The following ATP9B variants were observed in gnomAD, a reference collection of about 807,000 sequenced individuals.
ATP9B encodes probable phospholipid-transporting ATPase IIB.
Under a neutral mutation model 146.1 loss-of-function variants are expected in ATP9B, and 110 were observed. The ratio of observed to expected loss-of-function variants is 0.75; its 90% CI spans 0.65 to 0.88. ATP9B has a LOEUF of 0.88. Ranked by LOEUF, ATP9B falls within the 40% of genes least tolerant of loss-of-function variation. The pLI, the probability that ATP9B is intolerant of heterozygous loss-of-function variation, is 0.00. For missense variants in ATP9B, 1,499 were observed against 1,496.4 expected, an observed-to-expected ratio of 1.00 and a Z score of -0.03; for synonymous variants, 604 against 569.7, an observed-to-expected ratio of 1.06 and a Z score of -0.86.
chr18:79,249,221 G>T (rs981673496), intron 11 of ATP9B, among the ~76,000 whole-genome samples: 1 of 152,144 alleles, frequency 6.6e-6, no homozygotes, highest in African/African-American at 2.4e-5. Flanking sequence ...GAGCTAAATG[G>T]ATTTGTGATC....
chr18:79,308,614 G>A (rs1189305441), intron 15 of ATP9B, among the ~76,000 whole-genome samples: 1 of 152,206 alleles, frequency 6.6e-6, no homozygotes, highest in Non-Finnish European at 1.5e-5. Flanking sequence ...TGGAGACAGA[G>A]AGCAGAGCAG....
At chr18:79,342,196 G>T in intron 19 of ATP9B, 72 bp from the exon 20 acceptor site, 1 of 1,237,926 alleles carries the variant, frequency 8.1e-7, no homozygotes, top group South Asian at 1.2e-5. Context: ...TGGCTGTTGT[G>T]AATTATGTGA....
intron 15 of ATP9B, among the ~76,000 whole-genome samples, chr18:79,315,304 A>G (rs1318383599): frequency 6.6e-6 from 1 of 152,192 alleles, no homozygotes; most frequent in African/African-American, 2.4e-5. Context: ...TTTGTCAGAT[A>G]TATTTGTGAG....
chr18:79,274,615 G>A (rs1484238218), intron 12 of ATP9B, among the ~76,000 whole-genome samples: 1 of 152,060 alleles, frequency 6.6e-6, no homozygotes, highest in Admixed American at 6.5e-5. Context: ...TATTATACAT[G>A]CTCTGTGTGG....
intron 1 of ATP9B, among the ~76,000 whole-genome samples, chr18:79,075,393 G>A (rs2072482576): frequency 6.6e-6 from 1 of 152,168 alleles, no homozygotes; most frequent in Non-Finnish European, 1.5e-5. Context: ...CCTTCTGTCG[G>A]CCTTCCAAAG....
At chr18:79,270,886 G>A (rs1055139532) in intron 12 of ATP9B, among the ~76,000 whole-genome samples, 6 of 152,258 alleles carry the variant, frequency 3.9e-5, no homozygotes, top group African/African-American at 7.2e-5. Context: ...CATGAAAGTC[G>A]GAAGAGTCCT....
intron 11 of ATP9B, among the ~76,000 whole-genome samples, chr18:79,252,694 G>A (rs542958632): frequency 5.1e-4 from 77 of 152,110 alleles, no homozygotes; most frequent in Non-Finnish European, 9.3e-4. Context: ...GCTGGTAAAC[G>A]ATCCATAGAA....
intron 2 of ATP9B, among the ~76,000 whole-genome samples, chr18:79,101,040 G>A (rs1306792369): frequency 6.6e-6 from 1 of 151,932 alleles, no homozygotes; most frequent in Non-Finnish European, 1.5e-5. Context: ...TTTTGACCCA[G>A]TTTACCCCAG....
At chr18:79,197,451 T>C (rs1406350319) in intron 9 of ATP9B, among the ~76,000 whole-genome samples, 1 of 151,636 alleles carries the variant, frequency 6.6e-6, no homozygotes, top group Non-Finnish European at 1.5e-5. Flanking sequence ...CATATAAAGG[T>C]TAAGGTCATA....
chr18:79,225,753 G>A (rs1297143943), intron 11 of ATP9B, among the ~76,000 whole-genome samples: 2 of 132,582 alleles, frequency 1.5e-5, no homozygotes, highest in African/African-American at 6.6e-5. Context: ...TCCCGCAGTC[G>A]CAGGGCGGCC....
At position 79,139,779 on chromosome 18, in the gene ATP9B, A is replaced by G. The variant is rs554519356; in HGVS notation, c.668-4023A>G. On this transcript the variant is annotated intron_variant, in intron 5 of 29. Transcript: ENST00000426216. ...AAATATTGTCTTATTCATTCTTTCT[A>G]TTTTTCATACCTATTAACCATCCTC... 1.4e-4 allele frequency among the ~76,000 whole-genome samples: 22 copies of G among 151,900 alleles called. No homozygotes were observed. In the South Asian group the frequency reaches 3.9e-3, roughly 27 times the overall value.
intron 13 of ATP9B, 186 bp downstream of exon 13, chr18:79,277,382 TAGTATACAC>T (rs969729229): frequency 3.4e-6 from 2 of 584,206 alleles, no homozygotes; most frequent in African/African-American, 3.7e-5. Context: ...AATCATCTTC[TAGTATACAC>T]AGTATCATAA....
At position 79,199,140 on chromosome 18, in the gene ATP9B, A is replaced by G. The variant is rs149672751; in HGVS notation, c.954+5877A>G. On this transcript the variant is annotated intron_variant, in intron 9 of 29. Coordinates refer to ENST00000426216, the MANE Select transcript of ATP9B (RefSeq NM_198531.5). ...CTAATTTTTTGTATTTTTAGTAGAG[A>G]TGGGGTTTCACCGTGTTGGTCAGGC... Among the ~76,000 whole-genome samples the G allele has an allele frequency of 3.7e-3, 566 of 151,940 alleles. 4 individuals carry two copies. Among genetic ancestry groups the G allele is most frequent in the African/African-American group, 0.013 (523 of 41,460 alleles).
chr18:79,372,649 A>G (rs762134084), intron 26 of ATP9B, 176 bp from the exon 27 acceptor site: 8 of 679,290 alleles, frequency 1.2e-5, no homozygotes, highest in East Asian at 2.8e-5. Flanking sequence ...CAGCTTCTTC[A>G]GGATTCGGGT....
At chr18:79,325,250 A>G (rs2096737898) in intron 15 of ATP9B, among the ~76,000 whole-genome samples, 1 of 152,064 alleles carries the variant, frequency 6.6e-6, no homozygotes, top group Non-Finnish European at 1.5e-5. Flanking sequence ...GAAGAACTTG[A>G]GTTGAGAAAA....
chr18:79,161,251 T>C (rs184609076), intron 7 of ATP9B, among the ~76,000 whole-genome samples: 1 of 152,352 alleles, frequency 6.6e-6, no homozygotes, highest in African/African-American at 2.4e-5. Context: ...AACATTTCTC[T>C]CTAATTTTGT....
chr18:79,275,641 C>T (rs755631630), intron 12 of ATP9B, among the ~76,000 whole-genome samples: 4 of 152,234 alleles, frequency 2.6e-5, no homozygotes, highest in Non-Finnish European at 5.9e-5. Context: ...AACTTGTAGG[C>T]GTCAGCATGG....
chr18:79,137,748 C>G (rs1042009254), intron 5 of ATP9B, among the ~76,000 whole-genome samples: 4 of 152,340 alleles, frequency 2.6e-5, no homozygotes, highest in African/African-American at 9.6e-5. Context: ...TTTCCTGACT[C>G]CTGGCTCCAA....
In ATP9B at chr18:79,167,178, A is replaced by G. The variant is rs544349980; in HGVS notation, c.779-9635A>G. On this transcript the variant is annotated intron_variant, in intron 7 of 29. Coordinates refer to ENST00000426216, the MANE Select transcript of ATP9B (RefSeq NM_198531.5). Reference sequence around the variant, plus strand: ...TCTTCTCTCCTTCTCATTGCTTGCAATAAGGCGAATGGCAGGGCGTGTTTC... The same window carrying G: ...TCTTCTCTCCTTCTCATTGCTTGCAGTAAGGCGAATGGCAGGGCGTGTTTC... Among the ~76,000 whole-genome samples, 19 of 152,294 alleles carry G rather than the reference A, an allele frequency of 1.2e-4. No individual in the cohort carries two copies. The South Asian group carries it at 3.7e-3, about 30-fold the overall frequency.
Sources: allele counts gnomAD v4.1 joint callset (sites outside exome capture counted in the v4.1 genomes callset), GRCh38; gene constraint gnomAD v4.1.1; transcripts MANE v1.5; gene names NCBI Gene and HGNC (gene_info 2026-07-23, HGNC 2026-07-21).